MITF: variants seen among roughly 807,000 people sequenced by gnomAD.
MITF encodes melanocyte inducing transcription factor, also known as microphthalmia-associated transcription factor.
MITF carries 17 observed loss-of-function variants against 60.5 expected under a neutral mutation model. The ratio of observed to expected loss-of-function variants is 0.28; its 90% CI spans 0.19 to 0.42. The LOEUF is 0.42. MITF is among the 10% of genes least tolerant of loss of function. The probability of loss-of-function intolerance (pLI) is 1.00; values close to 1 mark genes in which losing one functional copy is unlikely to be tolerated. For missense variants in MITF, 622 were observed against 683.5 expected, an observed-to-expected ratio of 0.91 and a Z score of 1.00; for synonymous variants, 260 against 248.5, an observed-to-expected ratio of 1.05 and a Z score of -0.43.
chr3:69,926,039 C>A (rs79969005), intron 2 of MITF, among the ~76,000 whole-genome samples: 4,631 of 152,218 alleles, frequency 0.03, 128 homozygotes, highest in Non-Finnish European at 0.04. Context: ...TAGATGAGTG[C>A]TGAGTAAATC....
At chr3:69,871,770 G>T (rs1256211678) in intron 1 of MITF, among the ~76,000 whole-genome samples, 2 of 152,200 alleles carry the variant, frequency 1.3e-5, no homozygotes, top group Non-Finnish European at 2.9e-5. Flanking sequence ...ACAATTATTT[G>T]AGTACAAACA....
chr3:69,767,046 A>G (rs770793513), intron 1 of MITF, among the ~76,000 whole-genome samples: 1 of 152,210 alleles, frequency 6.6e-6, no homozygotes, highest in Non-Finnish European at 1.5e-5. Flanking sequence ...TAGCAGATAT[A>G]TTAATAGATA....
rs111737431 is a variant in MITF at position 69,771,999 on chromosome 3, A to G, written c.104+32298A>G. Among the ~76,000 whole-genome samples, 622 of 152,286 alleles carry G rather than the reference A, an allele frequency of 4.1e-3. 7 individuals are homozygous for G. Among genetic ancestry groups the G allele is most frequent in the African/African-American group, 0.014 (575 of 41,542 alleles). On this transcript the variant is annotated intron_variant, in intron 1 of 9. Transcript: ENST00000352241. ...TGCATTTGGAGATCGTTGGTTTTTA[A>G]TTTTCATCAATTAGGATTGATGTAT... is the stretch of plus-strand genomic sequence containing the variant.
intron 1 of MITF, among the ~76,000 whole-genome samples, chr3:69,755,431 GGGT>G (rs1704102347): frequency 2.1e-5 from 1 of 47,700 alleles, no homozygotes; most frequent in African/African-American, 8.9e-5. Flanking sequence ...TTACCCTTCT[GGGT>G]TTTTTTTTTT....
intron 3 of MITF, chr3:69,938,614 C>G (rs1281637786): frequency 4.5e-6 from 6 of 1,346,724 alleles, no homozygotes; most frequent in Admixed American, 7.1e-5. Context: ...ATTGCCACTG[C>G]CCGTTAAATC....
At chr3:69,796,315 T>G (rs528881060) in intron 1 of MITF, among the ~76,000 whole-genome samples, 23 of 152,170 alleles carry the variant, frequency 1.5e-4, no homozygotes, top group Admixed American at 1.2e-3. Context: ...GTTTAGTTTG[T>G]ATTCATTTTA....
At chr3:69,938,543 C>T in intron 3 of MITF, 1 of 1,418,176 alleles carries the variant, frequency 7.1e-7, no homozygotes, top group Non-Finnish European at 9.2e-7. Context: ...TCATATAGCA[C>T]ATGAGACTTT....
At chr3:69,849,213 C>G (rs2063785173) in intron 1 of MITF, among the ~76,000 whole-genome samples, 1 of 151,976 alleles carries the variant, frequency 6.6e-6, no homozygotes, top group Non-Finnish European at 1.5e-5. Flanking sequence ...ATCCGCCCGC[C>G]TCGGCCTCCC....
At chr3:69,854,083 C>T (rs1233088408) in intron 1 of MITF, among the ~76,000 whole-genome samples, 3 of 151,980 alleles carry the variant, frequency 2.0e-5, no homozygotes, top group Non-Finnish European at 2.9e-5. Flanking sequence ...CTCCTGACCT[C>T]GTGATCCTCC....
intron 1 of MITF, among the ~76,000 whole-genome samples, chr3:69,877,193 A>G (rs2064374535): frequency 6.6e-6 from 1 of 152,194 alleles, no homozygotes; most frequent in South Asian, 2.1e-4. Flanking sequence ...ATGATAATGT[A>G]TTTAACCATT....
intron 5 of MITF, among the ~76,000 whole-genome samples, chr3:69,941,658 C>G (rs911123587): frequency 1.3e-5 from 2 of 152,162 alleles, no homozygotes; most frequent in Non-Finnish European, 2.9e-5. Context: ...GTGAACTGCA[C>G]TATTCACAGT....
chr3:69,950,145 G>T (rs888163976), intron 6 of MITF, among the ~76,000 whole-genome samples: 2 of 151,738 alleles, frequency 1.3e-5, no homozygotes, highest in African/African-American at 4.8e-5. Context: ...AGCAAGAATC[G>T]TCGGGCAGGC....
chr3:69,954,101 T>C (rs1282846239), intron 7 of MITF, among the ~76,000 whole-genome samples: 4 of 152,142 alleles, frequency 2.6e-5, no homozygotes, highest in Non-Finnish European at 4.4e-5. Context: ...TAATAAATGA[T>C]TGGAAAGGGA....
chr3:69,953,631 A>G (rs201573319), intron 7 of MITF, among the ~76,000 whole-genome samples: 716 of 65,572 alleles, frequency 0.011, no homozygotes, highest in Non-Finnish European at 0.014. Context: ...ATATGTGTGT[A>G]TATATATATA....
chr3:69,880,789 T>C (rs1222891539), intron 2 of MITF, among the ~76,000 whole-genome samples: 4 of 152,080 alleles, frequency 2.6e-5, no homozygotes, highest in Non-Finnish European at 5.9e-5. Context: ...ATGAATTAAA[T>C]AGTAACAAGA....
intron 1 of MITF, among the ~76,000 whole-genome samples, chr3:69,828,490 G>A (rs1489987471): frequency 1.3e-5 from 2 of 151,924 alleles, no homozygotes; most frequent in African/African-American, 4.8e-5. Context: ...TGTTACCTAA[G>A]TATACGACAT....
At chr3:69,800,085 G>A (rs2062893520) in intron 1 of MITF, among the ~76,000 whole-genome samples, 1 of 152,014 alleles carries the variant, frequency 6.6e-6, no homozygotes, top group African/African-American at 2.4e-5. Flanking sequence ...CCAATAAGAA[G>A]CTTCGTACCT....
intron 1 of MITF, chr3:69,762,795 T>G: frequency 9.0e-6 from 2 of 222,390 alleles, no homozygotes; most frequent in Non-Finnish European, 9.0e-6. Flanking sequence ...TAGAGGTACA[T>G]TGGTTTGATT....
chr3:69,893,372 C>T lies in MITF; in HGVS notation c.354+13989C>T, dbSNP rs149831154. Among the ~76,000 whole-genome samples, 375 of 152,160 alleles carry T rather than the reference C, an allele frequency of 2.5e-3. 1 individual carries two copies. Among genetic ancestry groups the T allele is most frequent in the Non-Finnish European group, 4.2e-3 (287 of 68,004 alleles). On this transcript the variant is annotated intron_variant, in intron 2 of 9. Coordinates refer to ENST00000352241, the MANE Select transcript of MITF (RefSeq NM_001354604.2). ...GCTATCTAGTTGCAGTGTTGAAAGG[C>T]ATGGGCTCTGGAGTTAGATCGGGCG...
Sources: gnomAD v4.1 joint callset for allele counts (sites outside exome capture counted in the v4.1 genomes callset) on GRCh38, gnomAD v4.1.1 for gene constraint, MANE v1.5 for transcripts, NCBI Gene and HGNC (gene_info 2026-07-23, HGNC 2026-07-21) for gene names.